MTMR10: variants seen among roughly 807,000 people sequenced by gnomAD.
MTMR10 encodes the protein myotubularin related protein 10, also known as myotubularin-related protein 10.
In MTMR10, 56 loss-of-function variants were observed where a neutral mutation model predicts 88.1. The ratio of observed to expected loss-of-function variants is 0.64; its 90% CI spans 0.51 to 0.79. The LOEUF (loss-of-function observed/expected upper bound fraction) is 0.79. Ranked by LOEUF, MTMR10 falls within the 30% of genes least tolerant of loss-of-function variation. The pLI is 0.00. For missense variants in MTMR10, 883 were observed against 924.7 expected, an observed-to-expected ratio of 0.95 and a Z score of 0.58; for synonymous variants, 380 against 340.9, an observed-to-expected ratio of 1.11 and a Z score of -1.26.
At chr15:30,956,785 G>A (rs1452459406) in intron 9 of MTMR10, among the ~76,000 whole-genome samples, 1 of 152,192 alleles carries the variant, frequency 6.6e-6, no homozygotes, top group Non-Finnish European at 1.5e-5. Context: ...TGATTATAAG[G>A]TTTTATAACT....
At chr15:30,965,247 T>C (rs2063459371) in intron 6 of MTMR10, among the ~76,000 whole-genome samples, 1 of 152,246 alleles carries the variant, frequency 6.6e-6, no homozygotes, top group Non-Finnish European at 1.5e-5. Flanking sequence ...CCTTGTGTTT[T>C]TCAAATAGGC....
At chr15:30,942,823 T>C in intron 15 of MTMR10, 67 bp downstream of exon 15, 1 of 1,444,082 alleles carries the variant, frequency 6.9e-7, no homozygotes. Flanking sequence ...TTTAACGCTC[T>C]CTGTTCTGAA....
At chr15:30,965,924 T>C (rs1271826148) in intron 6 of MTMR10, 1 of 410,614 alleles carries the variant, frequency 2.4e-6, no homozygotes, top group African/African-American at 2.1e-5. Flanking sequence ...CAAGGTGTCA[T>C]CCAGAAGTTC....
chr15:30,975,190 T>C (rs1242071244), intron 3 of MTMR10, among the ~76,000 whole-genome samples, 187 bp from the exon 4 acceptor site: 1 of 152,124 alleles, frequency 6.6e-6, no homozygotes, highest in Non-Finnish European at 1.5e-5. Context: ...CACAACAATC[T>C]TATTATAATA....
intron 12 of MTMR10, among the ~76,000 whole-genome samples, chr15:30,950,968 A>C (rs1315245794): frequency 1.3e-5 from 2 of 151,918 alleles, no homozygotes; most frequent in African/African-American, 4.8e-5. Context: ...TAATGACAAC[A>C]AAAAAAAAGT....
At position 30,991,354 on chromosome 15, in the gene MTMR10, G is replaced by A. The variant is rs189738365; in HGVS notation, c.60+93C>T. On this transcript the variant is annotated intron_variant, in intron 1 of 15. Coordinates refer to ENST00000435680, the MANE Select transcript of MTMR10 (RefSeq NM_017762.3). Reference sequence around the variant, plus strand: ...TGCTGTGGGCAGGGAGACGCGCGCAGCCTCCTGGGGTCCTCCAGTTCCCGG... The same window carrying A: ...TGCTGTGGGCAGGGAGACGCGCGCAACCTCCTGGGGTCCTCCAGTTCCCGG... 2.3e-4 allele frequency: 292 copies of A among 1,245,736 alleles called. No individual in the cohort carries two copies. The African/African-American group carries it at 4.1e-3, about 18-fold the overall frequency. The allele number at this position is 1,245,736 out of a possible 1,614,324, so 77.2% of individuals were successfully genotyped here. A position where few individuals can be genotyped will look rare whatever the true frequency, so the allele number is the denominator to read the frequency against.
chr15:30,969,870 G>A (rs1418430831), intron 5 of MTMR10, among the ~76,000 whole-genome samples: 2 of 151,968 alleles, frequency 1.3e-5, no homozygotes, highest in Non-Finnish European at 2.9e-5. Flanking sequence ...CACACTCTTT[G>A]CTTGGAAAAT....
chr15:30,987,066 T>C (rs1341701979), intron 2 of MTMR10, among the ~76,000 whole-genome samples: 1 of 152,204 alleles, frequency 6.6e-6, no homozygotes, highest in Non-Finnish European at 1.5e-5. Flanking sequence ...AAGAATGAAA[T>C]TCACATAATG....
At chr15:30,945,955 A>ATTTTTTGTAT (rs1414732313) in intron 14 of MTMR10, among the ~76,000 whole-genome samples, 1 of 152,106 alleles carries the variant, frequency 6.6e-6, no homozygotes, top group Non-Finnish European at 1.5e-5. Flanking sequence ...TGTCTGGCTA[A>ATTTTTTGTAT]TTTTTGTATT....
chr15:30,972,843 T>C (rs1421218567), intron 5 of MTMR10, among the ~76,000 whole-genome samples: 1 of 152,146 alleles, frequency 6.6e-6, no homozygotes, highest in Non-Finnish European at 1.5e-5. Context: ...TTTCCACTCA[T>C]TAAAATAGTG....
At chr15:30,945,679 C>A (rs75869832) in intron 14 of MTMR10, among the ~76,000 whole-genome samples, 1 of 152,202 alleles carries the variant, frequency 6.6e-6, no homozygotes, top group Non-Finnish European at 1.5e-5. Context: ...AAAATAAAAA[C>A]AAGCAACTGG....
At chr15:30,919,896 G>T in the MTMR10 span, among the ~76,000 whole-genome samples, 1 of 152,138 alleles carries the variant, frequency 6.6e-6, no homozygotes, top group Non-Finnish European at 1.5e-5. Context: ...GACGTGTGCA[G>T]TTTAAACCCA....
the MTMR10 span, chr15:30,929,288 C>G: frequency 6.2e-7 from 1 of 1,613,158 alleles, no homozygotes; most frequent in Non-Finnish European, 8.5e-7. Flanking sequence ...ATTCATGATG[C>G]CCCCGAGGAG....
Position 30,974,310 on chromosome 15 carries a change from TTACCTTTTTAGCAC to T in MTMR10, c.464_474+3del. The T allele has an allele frequency of 6.3e-7, 1 of 1,594,666 alleles. No individual in the cohort carries two copies. Among genetic ancestry groups the T allele is most frequent in the Non-Finnish European group, 8.6e-7 (1 of 1,169,382 alleles). On this transcript the variant is annotated splice_donor_variant and splice_donor_region_variant and coding_sequence_variant and intron_variant, in exon 5 of 16. Coordinates refer to ENST00000435680, the MANE Select transcript of MTMR10 (RefSeq NM_017762.3). LOFTEE classifies it high-confidence loss of function. ...CAGAACTTGATAAACCTTAACAGTA[TTACCTTTTTAGCAC>T]TTTCGGGACCTGATTCATCAAAGCG... is the stretch of plus-strand genomic sequence containing the variant.
intron 2 of MTMR10, among the ~76,000 whole-genome samples, chr15:30,988,669 G>C (rs1199083085): frequency 1.3e-5 from 2 of 152,136 alleles, no homozygotes; most frequent in Non-Finnish European, 2.9e-5. Flanking sequence ...CCTTTTCTTA[G>C]CACATATCTT....
In MTMR10 at chr15:30,941,575, A is replaced by G; in HGVS notation, c.2229T>C (p.Pro743=). Residue 743 remains proline (P), a synonymous_variant, in exon 16 of 16, where the codon CCT becomes CCC. Transcript: ENST00000435680. The part of the protein sequence containing the change: ...EFLSSSFPFS[P]VGNLCRRSIL... ...TGCTTCGTCTGCACAGATTCCCTAC[A>G]GGAGAAAATGGAAATGAGGAGGAGA... The G allele has an allele frequency of 2.5e-6, 4 of 1,600,868 alleles. No homozygotes were observed. Among genetic ancestry groups the G allele is most frequent in the African/African-American group, 1.3e-5 (1 of 74,798 alleles).
chr15:30,940,934 C>CTAAG lies in MTMR10; in HGVS notation c.*532_*535dup. 9.2e-7 allele frequency: 1 copy of CTAAG among 1,083,028 alleles called. No homozygotes were observed. The highest frequency in any genetic ancestry group is 1.1e-6 in the Non-Finnish European group (1 of 887,094). The allele number at this position is 1,083,028 out of a possible 1,614,324, so 67.1% of individuals were successfully genotyped here. On this transcript the variant is annotated 3_prime_UTR_variant, in exon 16 of 16. Coordinates refer to ENST00000435680, the MANE Select transcript of MTMR10 (RefSeq NM_017762.3). ...ACTCATGATTTCAAAACACAGTGAT[C>CTAAG]TAAGGTTCCAAAGAAGGTGATCTAA...
intron 2 of MTMR10, among the ~76,000 whole-genome samples, chr15:30,977,342 A>G (rs1024500945): frequency 9.9e-5 from 15 of 152,212 alleles, no homozygotes; most frequent in African/African-American, 3.4e-4. Context: ...ACATGACTTG[A>G]TCTCTCAAAC....
At chr15:30,947,614 C>A (rs1487615375) in intron 13 of MTMR10, among the ~76,000 whole-genome samples, 1 of 152,160 alleles carries the variant, frequency 6.6e-6, no homozygotes, top group Non-Finnish European at 1.5e-5. Flanking sequence ...AGAAACAATT[C>A]TTTAGATTAT....
Sources: allele counts gnomAD v4.1 joint callset (sites outside exome capture counted in the v4.1 genomes callset), GRCh38; gene constraint gnomAD v4.1.1; transcripts MANE v1.5; gene names NCBI Gene and HGNC (gene_info 2026-07-23, HGNC 2026-07-21).